NCAPD2: variants seen among roughly 807,000 people sequenced by gnomAD.
NCAPD2 encodes condensin complex subunit 1.
A neutral mutation model predicts 164.5 loss-of-function variants in NCAPD2; 100 were observed. That is an observed-to-expected ratio of 0.61 (90% confidence interval 0.52 to 0.72). The LOEUF is 0.72. NCAPD2 is among the 30% of genes least tolerant of loss of function. The pLI is 0.00. For missense variants in NCAPD2, 1,560 were observed against 1,749.2 expected, an observed-to-expected ratio of 0.89 and a Z score of 1.93; for synonymous variants, 585 against 642.6, an observed-to-expected ratio of 0.91 and a Z score of 1.36.
intron 2 of NCAPD2, among the ~76,000 whole-genome samples, chr12:6,504,182 C>CATATATATATATATATAT (rs1176237960): frequency 1.7e-5 from 1 of 57,756 alleles, no homozygotes; most frequent in Non-Finnish European, 3.1e-5. Context: ...TATATATATA[C>CATATATATATATATATAT]ATATATATAT....
At chr12:6,521,585 G>GA (rs397830910) in intron 14 of NCAPD2, among the ~76,000 whole-genome samples, 1 of 8,706 alleles carries the variant, frequency 1.1e-4, no homozygotes, top group Non-Finnish European at 1.8e-4. Context: ...CTGCTCAGGA[G>GA]CTGAAGTGAG....
chr12:6,503,507 C>T (rs1305903715), intron 2 of NCAPD2, among the ~76,000 whole-genome samples: 1 of 152,108 alleles, frequency 6.6e-6, no homozygotes, highest in Non-Finnish European at 1.5e-5. Flanking sequence ...CACGGTGGCT[C>T]ACACCTGTAA....
chr12:6,499,893 G>C (rs1412778170), intron 2 of NCAPD2, among the ~76,000 whole-genome samples: 1 of 151,894 alleles, frequency 6.6e-6, no homozygotes, highest in African/African-American at 2.4e-5. Context: ...AGCCAAGGTG[G>C]TTGGATTGCT....
chr12:6,494,916 A>G (rs1252778597), intron 1 of NCAPD2, among the ~76,000 whole-genome samples, 160 bp from the exon 2 acceptor site: 1 of 152,164 alleles, frequency 6.6e-6, no homozygotes, highest in Non-Finnish European at 1.5e-5. Context: ...AAAAACCATT[A>G]TATATGTTGG....
intron 2 of NCAPD2, among the ~76,000 whole-genome samples, chr12:6,504,230 T>TACATATATATATACATATATAC (rs1244264606): frequency 5.1e-5 from 4 of 78,872 alleles, no homozygotes; most frequent in African/African-American, 2.9e-4. Flanking sequence ...TATAGATATA[T>TACATATATATATACATATATAC]ATATATATAT....
At chr12:6,511,784 C>T (rs977285936) in intron 6 of NCAPD2, among the ~76,000 whole-genome samples, 18 of 148,560 alleles carry the variant, frequency 1.2e-4, no homozygotes, top group African/African-American at 4.5e-4. Context: ...GAGTTCAAGA[C>T]CGGCCTGGCC....
At chr12:6,497,299 C>T (rs1051651311) in intron 2 of NCAPD2, among the ~76,000 whole-genome samples, 3 of 148,880 alleles carry the variant, frequency 2.0e-5, no homozygotes, top group Non-Finnish European at 4.5e-5. Context: ...AAATGGTCAC[C>T]TTTTTTTTTT....
chr12:6,510,388 T>G (rs766610092), intron 4 of NCAPD2: 2 of 780,182 alleles, frequency 2.6e-6, no homozygotes, highest in Non-Finnish European at 4.6e-6. Context: ...TACCTCTTTT[T>G]AATAGGGGTG....
At chr12:6,521,252 G>T in intron 14 of NCAPD2, 142 bp downstream of exon 14, 1 of 1,037,696 alleles carries the variant, frequency 9.6e-7, no homozygotes, top group Non-Finnish European at 1.4e-6. Context: ...TTTTGCTCTG[G>T]AATGGAAGCA....
rs562791163 is a variant in NCAPD2 at position 6,518,121 on chromosome 12, C to G, written c.1589+162C>G. On this transcript the variant is annotated intron_variant, in intron 13 of 31. Transcript: ENST00000315579. Reference sequence around the variant, plus strand: ...GTAATGGTCTGACCATAGGCCTAGTCCACAATTAAGCATGTGTTTCTACTT... The same window carrying G: ...GTAATGGTCTGACCATAGGCCTAGTGCACAATTAAGCATGTGTTTCTACTT... 10 of 610,542 alleles carry G rather than the reference C, an allele frequency of 1.6e-5. No individual in the cohort carries two copies. In the African/African-American group the frequency reaches 1.7e-4, roughly 10 times the overall value. The allele number at this position is 610,542 out of a possible 1,614,324, so 37.8% of individuals were successfully genotyped here.
At chr12:6,521,681 A>G in intron 14 of NCAPD2, 117 bp from the exon 15 acceptor site, 1 of 1,309,210 alleles carries the variant, frequency 7.6e-7, no homozygotes, top group Non-Finnish European at 1.1e-6. Context: ...GTGAGACCCC[A>G]TCTCAAAAGA....
At position 6,529,834 on chromosome 12, in the gene NCAPD2, G is replaced by A. The variant is rs760601566; in HGVS notation, c.3713G>A (p.Arg1238Gln). 3.3e-5 allele frequency: 54 copies of A among 1,614,108 alleles called. No individual in the cohort carries two copies. The East Asian group carries it at 1.0e-3, about 30-fold the overall frequency. ...YCVSQLPLTE[R>Q]GLRKMLDNFD... ...GTGTCACAGCTGCCCCTCACAGAGC[G>A]AGGCCTCCGTAAGATGCTTGACAAT... The change falls in exon 29 of 32, where the codon CGA becomes CAA. Residue 1238 changes from arginine to glutamine, a missense_variant. Physicochemically the swap from Arg to Gln is conservative, Grantham distance 43. Transcript: ENST00000315579.
chr12:6,521,917 G>T lies in NCAPD2; in HGVS notation c.1834G>T (p.Asp612Tyr). The T allele has an allele frequency of 1.9e-6, 3 of 1,614,152 alleles. No homozygotes were observed. The highest frequency in any genetic ancestry group is 2.5e-6 in the Non-Finnish European group (3 of 1,180,042). ...GGATCCTGAGGAATCCAGGGGAAATGATGAACTAGTGAAGCAGGAGATGCT... is the reference window on the plus strand; with the variant it reads ...GGATCCTGAGGAATCCAGGGGAAATTATGAACTAGTGAAGCAGGAGATGCT... ...MSDPEESRGNDELVKQEMLVQ... is the reference protein window; with the variant it reads ...MSDPEESRGNYELVKQEMLVQ... Residue 612 changes from aspartate to tyrosine, a missense_variant, in exon 15 of 32, where the codon GAT (aspartate) becomes TAT (tyrosine). By Grantham distance (160) the Asp-to-Tyr change is radical. Coordinates refer to ENST00000315579, the MANE Select transcript of NCAPD2 (RefSeq NM_014865.4).
At chr12:6,505,418 A>G (rs1238636367) in intron 2 of NCAPD2, among the ~76,000 whole-genome samples, 5 of 152,200 alleles carry the variant, frequency 3.3e-5, no homozygotes, top group Non-Finnish European at 4.4e-5. Flanking sequence ...GATGATTAAC[A>G]TCTCAGAGTT....
At chr12:6,499,227 T>C (rs1430720100) in intron 2 of NCAPD2, among the ~76,000 whole-genome samples, 2 of 152,094 alleles carry the variant, frequency 1.3e-5, no homozygotes, top group African/African-American at 2.4e-5. Flanking sequence ...TTTTATTTTT[T>C]TAAGATAAGG....
At chr12:6,504,232 T>TATATATATATAC (rs1565539663) in intron 2 of NCAPD2, among the ~76,000 whole-genome samples, 2 of 102,752 alleles carry the variant, frequency 1.9e-5, no homozygotes, top group African/African-American at 6.8e-5. Flanking sequence ...TAGATATATA[T>TATATATATATAC]ATATATATAT....
At chr12:6,494,638 G>A (rs932556134) in intron 1 of NCAPD2, among the ~76,000 whole-genome samples, 3 of 152,192 alleles carry the variant, frequency 2.0e-5, no homozygotes, top group Non-Finnish European at 4.4e-5. Context: ...CTATACTTAA[G>A]GAGCTTTGCA....
chr12:6,514,400 A>G lies in NCAPD2; in HGVS notation c.715+8A>G. ...GTTATAACCATATGCTCAGTAAGTT[A>G]CCAGTCGCTTTGCCCCGCCTTTTTT... On this transcript the variant is annotated splice_region_variant and intron_variant, in intron 7 of 31. Coordinates refer to ENST00000315579, the MANE Select transcript of NCAPD2 (RefSeq NM_014865.4). The G allele has an allele frequency of 6.2e-7, 1 of 1,614,206 alleles. No homozygotes were observed. The highest frequency in any genetic ancestry group is 8.5e-7 in the Non-Finnish European group (1 of 1,180,040).
At position 6,510,252 on chromosome 12, in the gene NCAPD2, T is replaced by G. The variant is rs765630634; in HGVS notation, c.262+119T>G. 30 of 1,158,438 alleles carry G rather than the reference T, an allele frequency of 2.6e-5. No individual in the cohort carries two copies. In the East Asian group the frequency reaches 7.0e-4, roughly 27 times the overall value. 71.8% of individuals were successfully genotyped at this position (1,158,438 alleles called of 1,614,324 possible). A position where few individuals can be genotyped will look rare whatever the true frequency, so the allele number is the denominator to read the frequency against. ...ATGATGATATCAAGGCTGTTGTGAT[T>G]CAGTTGGTTTGGCTAAGCCCAGGGA... On this transcript the variant is annotated intron_variant, in intron 4 of 31. Transcript: ENST00000315579.
Sources: gnomAD v4.1 joint callset for allele counts (sites outside exome capture counted in the v4.1 genomes callset) on GRCh38, gnomAD v4.1.1 for gene constraint, MANE v1.5 for transcripts, NCBI Gene and HGNC (gene_info 2026-07-23, HGNC 2026-07-21) for gene names.